Variants in PTPRM observed in about 807,000 individuals in gnomAD.
PTPRM encodes the protein receptor-type tyrosine-protein phosphatase mu.
In PTPRM, 47 loss-of-function variants were observed where a neutral mutation model predicts 186.7. That is an observed-to-expected ratio of 0.25 (90% CI 0.20 to 0.32). The LOEUF is 0.32. Among genes scored for constraint, PTPRM ranks in the 10% least tolerant of loss-of-function variants. The pLI is 1.00. For synonymous variants in PTPRM, 668 were observed against 674.9 expected, an observed-to-expected ratio of 0.99 and a Z score of 0.16; for missense variants, 1,494 against 1,865.0, an observed-to-expected ratio of 0.80 and a Z score of 3.66.
Position 7,568,015 on chromosome 18 carries a change from G to A in PTPRM, c.73+124G>A. The A allele has an allele frequency of 1.1e-6, 1 of 911,700 alleles. No homozygotes were observed. Among genetic ancestry groups the A allele is most frequent in the Non-Finnish European group, 1.5e-6 (1 of 678,798 alleles). 56.5% of individuals were successfully genotyped at this position (911,700 alleles called of 1,614,324 possible). A position where few individuals can be genotyped will look rare whatever the true frequency, so the allele number is the denominator to read the frequency against. On this transcript the variant is annotated intron_variant, in intron 1 of 32. Transcript: ENST00000580170. The surrounding 1 kb of genome is among the most constrained non-coding windows in gnomAD (Gnocchi z 5.1). ...TCGGGGCCGGGCGGGGGGCGCGGCG[G>A]GCCGGACACCGCTTCTGCCTGTGAG...
chr18:8,192,382 ATCT>A (rs2093721003), intron 14 of PTPRM, among the ~76,000 whole-genome samples: 1 of 152,194 alleles, frequency 6.6e-6, no homozygotes, highest in Admixed American at 6.5e-5. Flanking sequence ...TGAATTTTAG[ATCT>A]TGGTCAGGGA....
Position 7,888,164 on chromosome 18 carries a change from C to T in PTPRM, c.255C>T (p.Leu85=), listed in dbSNP as rs1335866468. The part of the protein sequence containing the change: ...GRPEGQRAHL[L]LPQLKENDTH... ...CTGAGGGGCAGAGAGCCCACCTGCT[C>T]TTACCCCAACTTAAAGAAAATGACA... The change falls in exon 3 of 33, where the codon CTC becomes CTT. Residue 85 remains leucine (L), a synonymous_variant. Transcript: ENST00000580170. 2 of 1,614,146 alleles carry T rather than the reference C, an allele frequency of 1.2e-6. No individual in the cohort carries two copies. The highest frequency in any genetic ancestry group is 8.5e-7 in the Non-Finnish European group (1 of 1,180,006).
At chr18:7,965,232 GATGGGGTTTC>G (rs973701346) in intron 7 of PTPRM, among the ~76,000 whole-genome samples, 21 of 152,192 alleles carry the variant, frequency 1.4e-4, no homozygotes, top group Admixed American at 1.2e-3. Context: ...ATTTAGCAGA[GATGGGGTTTC>G]ACCATGTTAA....
intron 12 of PTPRM, 107 bp downstream of exon 12, chr18:8,113,866 A>C: frequency 2.6e-6 from 3 of 1,138,706 alleles, no homozygotes; most frequent in Non-Finnish European, 2.4e-6. Flanking sequence ...CTGCATTTCT[A>C]CTTGTAAACA....
At chr18:7,796,762 T>A (rs1313632632) in intron 2 of PTPRM, among the ~76,000 whole-genome samples, 1 of 152,176 alleles carries the variant, frequency 6.6e-6, no homozygotes, top group African/African-American at 2.4e-5. Flanking sequence ...TGCTTTACAA[T>A]CTGAGGCCTA....
intron 11 of PTPRM, among the ~76,000 whole-genome samples, chr18:8,103,616 T>C (rs1314070345): frequency 1.3e-5 from 2 of 152,218 alleles, no homozygotes; most frequent in Non-Finnish European, 2.9e-5. Flanking sequence ...GGTTTGATCT[T>C]CTATCCAGAC....
At chr18:8,108,819 A>G (rs2091635696) in intron 11 of PTPRM, among the ~76,000 whole-genome samples, 1 of 152,200 alleles carries the variant, frequency 6.6e-6, no homozygotes, top group South Asian at 2.1e-4. Flanking sequence ...CTCACTGTGG[A>G]TTGTGCTTTT....
chr18:8,389,309 G>T (rs188078019), intron 31 of PTPRM, among the ~76,000 whole-genome samples: 3 of 152,164 alleles, frequency 2.0e-5, no homozygotes, highest in Non-Finnish European at 4.4e-5. Flanking sequence ...CTAGTGACTC[G>T]AAGAAGTTGA....
chr18:7,634,991 T>C (rs978952235), intron 1 of PTPRM, among the ~76,000 whole-genome samples: 2 of 152,182 alleles, frequency 1.3e-5, no homozygotes, highest in African/African-American at 4.8e-5. Context: ...ATTTTATTTT[T>C]TGTTTTTTCA....
chr18:8,351,044 T>G (rs649705), intron 23 of PTPRM, among the ~76,000 whole-genome samples: 139,845 of 152,260 alleles, frequency 0.92, 65,111 homozygotes, highest in Non-Finnish European at 0.99. Flanking sequence ...AATTGAAATG[T>G]CCACATGTGA....
chr18:8,214,505 G>C (rs12455334), intron 14 of PTPRM, among the ~76,000 whole-genome samples: 1 of 151,874 alleles, frequency 6.6e-6, no homozygotes, highest in Non-Finnish European at 1.5e-5. Context: ...CATTAAGTGA[G>C]AGTTTTTTAT....
Position 8,088,767 on chromosome 18 carries a change from A to G in PTPRM, c.1772A>G (p.Tyr591Cys). The change falls in exon 11 of 33, where the codon TAT (tyrosine) becomes TGT (cysteine). Residue 591 changes from tyrosine to cysteine, a missense_variant. Tyr to Cys is a radical substitution (Grantham distance 194). Coordinates refer to ENST00000580170, the MANE Select transcript of PTPRM (RefSeq NM_001105244.2). ...TCCCCAGCACCCTCTATGCCAGCTTATGAACTTGAGACACCTTTGAATCAA... is the reference window on the plus strand; with the variant it reads ...TCCCCAGCACCCTCTATGCCAGCTTGTGAACTTGAGACACCTTTGAATCAA... ...TKISAPSMPA[Y>C]ELETPLNQTD... The G allele has an allele frequency of 6.2e-7, 1 of 1,612,786 alleles. No individual in the cohort carries two copies. Among genetic ancestry groups the G allele is most frequent in the South Asian group, 1.1e-5 (1 of 91,038 alleles).
chr18:7,976,976 G>A (rs1474671963), intron 7 of PTPRM, among the ~76,000 whole-genome samples: 2 of 151,596 alleles, frequency 1.3e-5, no homozygotes, highest in Admixed American at 1.3e-4. Flanking sequence ...TTGTGACATG[G>A]ATATTAGAAG....
At chr18:8,032,422 A>G (rs1293411974) in intron 7 of PTPRM, among the ~76,000 whole-genome samples, 2 of 152,168 alleles carry the variant, frequency 1.3e-5, no homozygotes, top group African/African-American at 2.4e-5. Flanking sequence ...AGAAAATGTA[A>G]TTAAGATTTC....
intron 2 of PTPRM, among the ~76,000 whole-genome samples, chr18:7,885,796 A>G (rs1031496887): frequency 2.0e-5 from 3 of 152,154 alleles, no homozygotes; most frequent in Admixed American, 1.3e-4. Context: ...TTCATGCTGG[A>G]ATGGAGCAGA....
chr18:7,858,235 C>T lies in PTPRM; in HGVS notation c.197-29871C>T, dbSNP rs140955746. Reference sequence around the variant, plus strand: ...TTCCTTGAAATGTGGCACTGAGAAACTGCAAAGTTATGTTTTTGTTTATTA... The same window carrying T: ...TTCCTTGAAATGTGGCACTGAGAAATTGCAAAGTTATGTTTTTGTTTATTA... On this transcript the variant is annotated intron_variant, in intron 2 of 32. Coordinates refer to ENST00000580170, the MANE Select transcript of PTPRM (RefSeq NM_001105244.2). 2.4e-4 allele frequency among the ~76,000 whole-genome samples: 36 copies of T among 152,222 alleles called. No individual in the cohort carries two copies. In the East Asian group the frequency reaches 5.6e-3, roughly 24 times the overall value.
rs143948175 is a variant in PTPRM, at chr18:7,865,468, T to A, written c.197-22638T>A. Among the ~76,000 whole-genome samples the A allele has an allele frequency of 2.6e-5, 4 of 152,292 alleles. No individual in the cohort carries two copies. The East Asian group carries it at 5.8e-4, about 22-fold the overall frequency. On this transcript the variant is annotated intron_variant, in intron 2 of 32. Coordinates refer to ENST00000580170, the MANE Select transcript of PTPRM (RefSeq NM_001105244.2). Reference sequence around the variant, plus strand: ...CATGTGCTTTTTGTCATTGGTTGTGTTTATGTTATGGATTATATTTATTGA... The same window carrying A: ...CATGTGCTTTTTGTCATTGGTTGTGATTATGTTATGGATTATATTTATTGA...
chr18:8,333,838 A>G (rs1385366615), intron 22 of PTPRM, among the ~76,000 whole-genome samples: 1 of 152,082 alleles, frequency 6.6e-6, no homozygotes, highest in African/African-American at 2.4e-5. Flanking sequence ...CACTTCTGCC[A>G]TTCAGTGTGT....
intron 14 of PTPRM, among the ~76,000 whole-genome samples, chr18:8,237,431 ATTTTTTTTTTTT>A (rs59073560): frequency 1.8e-4 from 13 of 71,668 alleles, no homozygotes; most frequent in Non-Finnish European, 2.6e-4. Flanking sequence ...GATTCCCTCA[ATTTTTTTTTTTT>A]TTTTTTTTTT....
Sources: gnomAD v4.1 joint callset for allele counts (sites outside exome capture counted in the v4.1 genomes callset) on GRCh38, gnomAD v4.1.1 for gene constraint, Gnocchi (gnomAD v3.1) non-coding constraint, MANE v1.5 for transcripts, NCBI Gene and HGNC (gene_info 2026-07-23, HGNC 2026-07-21) for gene names.